FOCAD: variants seen among roughly 807,000 people sequenced by gnomAD.
The protein encoded by FOCAD is focadhesin.
Under a neutral mutation model 225.6 loss-of-function variants are expected in FOCAD, and 198 were observed. That is an observed-to-expected ratio of 0.88 (90% CI 0.78 to 0.99). The LOEUF is 0.99. FOCAD is among the 50% of genes least tolerant of loss of function. FOCAD has a pLI of 0.00. For missense variants in FOCAD, 2,713 were observed against 2,123.6 expected (o/e 1.28, Z -5.46); for synonymous variants, 897 against 755.0 (o/e 1.19, Z -3.08).
chr9:20,991,812 CAAAAAAA>C (rs58403366), intron 42 of FOCAD, among the ~76,000 whole-genome samples: 1 of 105,942 alleles, frequency 9.4e-6, no homozygotes, highest in Non-Finnish European at 1.9e-5. Flanking sequence ...GACTCTGTCT[CAAAAAAA>C]AAAAAAAAAA....
chr9:20,892,228 C>T (rs192724496), intron 21 of FOCAD, among the ~76,000 whole-genome samples: 1 of 152,266 alleles, frequency 6.6e-6, no homozygotes, highest in East Asian at 1.9e-4. Context: ...GTTATGACTG[C>T]CAACACAACA....
At chr9:20,949,208 G>T (rs1433927370) in intron 32 of FOCAD, among the ~76,000 whole-genome samples, 1 of 152,128 alleles carries the variant, frequency 6.6e-6, no homozygotes, top group East Asian at 1.9e-4. Flanking sequence ...ATGATTGAAG[G>T]ATAAGAAATT....
At chr9:20,717,295 T>C (rs566677940) in intron 2 of FOCAD, among the ~76,000 whole-genome samples, 3 of 152,224 alleles carry the variant, frequency 2.0e-5, no homozygotes, top group Non-Finnish European at 4.4e-5. Flanking sequence ...AAGTGCAGGA[T>C]GGACAGTTGT....
intron 18 of FOCAD, among the ~76,000 whole-genome samples, chr9:20,868,893 C>G (rs1164616271): frequency 6.6e-6 from 1 of 152,086 alleles, no homozygotes; most frequent in Non-Finnish European, 1.5e-5. Context: ...AGAATCATTG[C>G]TTCTAAGACC....
At chr9:20,896,900 G>A (rs4474106) in intron 21 of FOCAD, 81,321 of 151,516 alleles carry the variant, frequency 0.54, 22,103 homozygotes, top group East Asian at 0.71. Context: ...GTAGATGTCA[G>A]TTATATCCAG....
chr9:20,877,053 G>C (rs1453135058), intron 19 of FOCAD, among the ~76,000 whole-genome samples: 2 of 152,182 alleles, frequency 1.3e-5, no homozygotes, highest in Non-Finnish European at 2.9e-5. Flanking sequence ...TGGTGCTCTA[G>C]TTGATAACAT....
intron 26 of FOCAD, among the ~76,000 whole-genome samples, chr9:20,927,174 A>C (rs558138947): frequency 6.6e-6 from 1 of 152,256 alleles, no homozygotes; most frequent in Admixed American, 6.5e-5. Flanking sequence ...AGTAGAATAA[A>C]CATTGGCTGA....
intron 2 of FOCAD, among the ~76,000 whole-genome samples, chr9:20,671,903 A>T (rs1822074842): frequency 6.6e-6 from 1 of 151,924 alleles, no homozygotes; most frequent in South Asian, 2.1e-4. Flanking sequence ...CAAATTCCAT[A>T]TTCAGGGACA....
intron 32 of FOCAD, 115 bp from the exon 33 acceptor site, chr9:20,949,489 A>T (rs1837489082): frequency 6.6e-6 from 5 of 756,300 alleles, no homozygotes; most frequent in South Asian, 5.0e-5. Flanking sequence ...AAATAGAAGG[A>T]CATAATGATA....
intron 21 of FOCAD, among the ~76,000 whole-genome samples, chr9:20,898,969 T>C (rs1162337182): frequency 6.6e-6 from 1 of 151,916 alleles, no homozygotes; most frequent in Non-Finnish European, 1.5e-5. Context: ...TTCTCTTTTT[T>C]AATTCCTTAG....
At chr9:20,814,329 A>C (rs1029340514) in intron 11 of FOCAD, among the ~76,000 whole-genome samples, 1 of 148,988 alleles carries the variant, frequency 6.7e-6, no homozygotes, top group African/African-American at 2.5e-5. Context: ...ACTTTGATTC[A>C]TCACTCATTT....
chr9:20,937,813 T>A (rs545807626), intron 28 of FOCAD, among the ~76,000 whole-genome samples: 36 of 152,240 alleles, frequency 2.4e-4, no homozygotes, highest in Admixed American at 1.8e-3. Context: ...TGGGAGAGAA[T>A]TTTTGCAATC....
chr9:20,724,141 G>A (rs1002791454), intron 4 of FOCAD, among the ~76,000 whole-genome samples: 2 of 152,138 alleles, frequency 1.3e-5, no homozygotes, highest in Non-Finnish European at 2.9e-5. Flanking sequence ...CCAACATTTA[G>A]AATCATATGT....
At chr9:20,971,631 A>G (rs1295591942) in intron 35 of FOCAD, among the ~76,000 whole-genome samples, 2 of 151,980 alleles carry the variant, frequency 1.3e-5, no homozygotes, top group Non-Finnish European at 2.9e-5. Context: ...AGTAGAGATG[A>G]GATGGAATTT....
chr9:20,886,295 G>C (rs975983415), intron 21 of FOCAD, among the ~76,000 whole-genome samples: 6 of 152,180 alleles, frequency 3.9e-5, no homozygotes, highest in Admixed American at 6.5e-5. Context: ...TTTTCTAGGA[G>C]GAAGGTTTAA....
intron 4 of FOCAD, among the ~76,000 whole-genome samples, chr9:20,722,653 C>T (rs1052216307): frequency 6.6e-6 from 1 of 152,200 alleles, no homozygotes; most frequent in Non-Finnish European, 1.5e-5. Context: ...CATTCACATA[C>T]ACGCATATAA....
chr9:20,958,696 T>A (rs1287788820), intron 35 of FOCAD, among the ~76,000 whole-genome samples: 1 of 152,162 alleles, frequency 6.6e-6, no homozygotes, highest in African/African-American at 2.4e-5. Context: ...TTCCCCCTGC[T>A]CTTTCCTAGC....
intron 15 of FOCAD, among the ~76,000 whole-genome samples, chr9:20,841,998 C>A (rs1012206022): frequency 7.9e-5 from 12 of 151,774 alleles, no homozygotes; most frequent in Admixed American, 2.6e-4. Flanking sequence ...TTCTTAGTTT[C>A]TTTATTGACC....
chr9:20,703,486 A>G lies in FOCAD; in HGVS notation c.-32-11836A>G, dbSNP rs376635627. Among the ~76,000 whole-genome samples, 32 of 152,160 alleles carry G rather than the reference A, an allele frequency of 2.1e-4. No homozygotes were observed. The East Asian group carries it at 3.3e-3, about 16-fold the overall frequency. On this transcript the variant is annotated intron_variant, in intron 1 of 43. Transcript: ENST00000338382. The stretch of plus-strand genomic sequence containing the variant: ...AGCATATGAGTTAAAAGTCAACTGT[A>G]TTTTATTCCATGTCTTTGCTATTGT...
Sources: gnomAD v4.1 joint callset for allele counts (sites outside exome capture counted in the v4.1 genomes callset) on GRCh38, gnomAD v4.1.1 for gene constraint, MANE v1.5 for transcripts, NCBI Gene and HGNC (gene_info 2026-07-23, HGNC 2026-07-21) for gene names.